Variants in PSMA8 observed in about 807,000 individuals in gnomAD.
PSMA8 encodes proteasome subunit alpha-type 8.
A neutral mutation model predicts 32.4 loss-of-function variants in PSMA8; 18 were observed. The ratio of observed to expected loss-of-function variants is 0.56; its 90% confidence interval spans 0.38 to 0.82. The LOEUF (loss-of-function observed/expected upper bound fraction) is 0.82. PSMA8 is among the 40% of genes least tolerant of loss of function. The pLI, the probability that PSMA8 is intolerant of heterozygous loss-of-function variation, is 0.00. For synonymous variants in PSMA8, 104 were observed against 98.1 expected (o/e 1.06, Z -0.36); for missense variants, 298 against 300.7 (o/e 0.99, Z 0.07).
chr18:26,189,485 A>G (rs939444782), intron 6 of PSMA8, among the ~76,000 whole-genome samples: 1 of 152,132 alleles, frequency 6.6e-6, no homozygotes, highest in African/African-American at 2.4e-5. Context: ...GTGAGCCATG[A>G]TTGTGCCACT....
chr18:26,143,228 T>G (rs77502856), intron 1 of PSMA8, among the ~76,000 whole-genome samples: 1 of 152,332 alleles, frequency 6.6e-6, no homozygotes, highest in Admixed American at 6.5e-5. Context: ...GTTTTCCCCG[T>G]GTCTGCATGG....
At chr18:26,140,127 T>A (rs1306371250) in intron 1 of PSMA8, 1 of 703,046 alleles carries the variant, frequency 1.4e-6, no homozygotes, top group South Asian at 1.5e-5. Context: ...CCTCTTCAGA[T>A]TAGCTTCAGC....
At chr18:26,172,581 A>G (rs2055231574) in intron 4 of PSMA8, among the ~76,000 whole-genome samples, 1 of 152,184 alleles carries the variant, frequency 6.6e-6, no homozygotes, top group African/African-American at 2.4e-5. Context: ...TGCATATGGA[A>G]GTAATTGGTC....
At chr18:26,162,481 A>AG (rs1205855531) in intron 4 of PSMA8, among the ~76,000 whole-genome samples, 1 of 152,174 alleles carries the variant, frequency 6.6e-6, no homozygotes, top group Non-Finnish European at 1.5e-5. Flanking sequence ...GCATTTGGCC[A>AG]ATTACATTAA....
chr18:26,177,510 C>T (rs749894311), intron 4 of PSMA8, among the ~76,000 whole-genome samples: 3 of 152,166 alleles, frequency 2.0e-5, no homozygotes, highest in African/African-American at 4.8e-5. Flanking sequence ...TAGTGCCTGA[C>T]ACATAAGTGT....
intron 4 of PSMA8, chr18:26,171,371 T>C: frequency 7.5e-7 from 1 of 1,339,790 alleles, no homozygotes; most frequent in Non-Finnish European, 1.0e-6. Context: ...TATTTTGTTA[T>C]GACATACCAA....
chr18:26,162,465 G>A (rs975970827), intron 4 of PSMA8, among the ~76,000 whole-genome samples: 1 of 151,928 alleles, frequency 6.6e-6, no homozygotes, highest in Non-Finnish European at 1.5e-5. Context: ...GGAGTAACAG[G>A]TTCTGGCATT....
intron 4 of PSMA8, among the ~76,000 whole-genome samples, chr18:26,176,957 T>C (rs2059918802): frequency 6.6e-6 from 1 of 151,882 alleles, no homozygotes; most frequent in African/African-American, 2.4e-5. Context: ...ATAATAATAA[T>C]ACTAAACAGT....
chr18:26,137,304 A>G (rs765052398), intron 1 of PSMA8, among the ~76,000 whole-genome samples: 4 of 152,124 alleles, frequency 2.6e-5, no homozygotes, highest in Non-Finnish European at 5.9e-5. Context: ...CTAAAAATAC[A>G]AAAAATTAGC....
chr18:26,167,852 T>TATGACATACCAAGCAGACTAATA lies in PSMA8; in HGVS notation c.477+9608_477+9609insATGACATACCAAGCAGACTAATA, dbSNP rs1490158200. The stretch of plus-strand genomic sequence containing the variant: ...TGCCACCTGGTCTGTGGTATTTTTT[T>TATGACATACCAAGCAGACTAATA]TTTTTTTTTTTATTAACAAGTGTAA... On this transcript the variant is annotated intron_variant, in intron 4 of 6. Transcript: ENST00000415576. 4.6e-5 allele frequency among the ~76,000 whole-genome samples: 6 copies of TATGACATACCAAGCAGACTAATA among 131,096 alleles called. No individual in the cohort carries two copies. The East Asian group carries it at 6.4e-4, about 14-fold the overall frequency. The allele number at this position is 131,096 out of a possible 152,430, so 86.0% of individuals were successfully genotyped here. A position where few individuals can be genotyped will look rare whatever the true frequency, so the allele number is the denominator to read the frequency against.
chr18:26,165,133 T>A (rs890575777), intron 4 of PSMA8, among the ~76,000 whole-genome samples: 1 of 152,088 alleles, frequency 6.6e-6, no homozygotes, highest in Admixed American at 6.6e-5. Flanking sequence ...GCTCTGGAAC[T>A]CCTGACCTCA....
At chr18:26,141,241 T>C (rs1759733934) in intron 1 of PSMA8, among the ~76,000 whole-genome samples, 2 of 152,288 alleles carry the variant, frequency 1.3e-5, no homozygotes, top group South Asian at 4.1e-4. Flanking sequence ...TCATTTTTAA[T>C]ATTTTTTCTT....
intron 2 of PSMA8, among the ~76,000 whole-genome samples, chr18:26,150,265 T>A (rs2055034863): frequency 6.6e-6 from 1 of 152,214 alleles, no homozygotes; most frequent in African/African-American, 2.4e-5. Context: ...GACTGAATAC[T>A]CATTTTTTTC....
chr18:26,155,844 C>T (rs1047873810), intron 3 of PSMA8, among the ~76,000 whole-genome samples: 5 of 152,140 alleles, frequency 3.3e-5, no homozygotes, highest in African/African-American at 1.2e-4. Flanking sequence ...GCCAAAGAAA[C>T]AGTCAACAGA....
At chr18:26,186,273 A>C (rs1042227721) in intron 6 of PSMA8, among the ~76,000 whole-genome samples, 2 of 148,188 alleles carry the variant, frequency 1.3e-5, no homozygotes, top group African/African-American at 2.6e-5. Flanking sequence ...AAAAAAAAAA[A>C]AAAACGCAAA....
chr18:26,163,251 A>ATAT (rs2055152694), intron 4 of PSMA8, among the ~76,000 whole-genome samples: 1 of 87,776 alleles, frequency 1.1e-5, no homozygotes, highest in African/African-American at 4.6e-5. Context: ...ATATATATAT[A>ATAT]TATATATATA....
At chr18:26,160,103 A>G (rs2055123615) in intron 4 of PSMA8, among the ~76,000 whole-genome samples, 1 of 152,074 alleles carries the variant, frequency 6.6e-6, no homozygotes, top group Non-Finnish European at 1.5e-5. Context: ...GGAGTTCGAG[A>G]CCACCCTGGG....
chr18:26,154,149 G>T (rs1003197721), intron 3 of PSMA8, among the ~76,000 whole-genome samples: 1 of 152,100 alleles, frequency 6.6e-6, no homozygotes, highest in African/African-American at 2.4e-5. Flanking sequence ...TGATCTGCCC[G>T]TCTCAGCCTC....
At chr18:26,145,650 T>C (rs751465937) in intron 2 of PSMA8, among the ~76,000 whole-genome samples, 1 of 152,236 alleles carries the variant, frequency 6.6e-6, no homozygotes, top group Non-Finnish European at 1.5e-5. Flanking sequence ...TCTTTTTTAT[T>C]CAGCATAATT....
Sources: allele counts gnomAD v4.1 joint callset (sites outside exome capture counted in the v4.1 genomes callset), GRCh38; gene constraint gnomAD v4.1.1; transcripts MANE v1.5; gene names NCBI Gene and HGNC (gene_info 2026-07-23, HGNC 2026-07-21).